Variants in CD244 observed in about 807,000 individuals in gnomAD.
CD244 encodes the protein natural killer cell receptor 2B4.
CD244 carries 20 observed loss-of-function variants against 45.5 expected under a neutral mutation model. The observed-to-expected ratio is 0.44, with a 90% confidence interval of 0.31 to 0.64. The LOEUF (loss-of-function observed/expected upper bound fraction) is 0.64, where lower values mean the gene tolerates loss of function less well. Among genes scored for constraint, CD244 ranks in the 30% least tolerant of loss-of-function variants. The pLI is 0.08. For missense variants in CD244, 407 were observed against 426.9 expected (o/e 0.95, Z 0.41); for synonymous variants, 185 against 160.5 (o/e 1.15, Z -1.15).
chr1:160,832,721 T>C, intron 7 of CD244, 146 bp from the exon 8 acceptor site: 2 of 1,517,582 alleles, frequency 1.3e-6, no homozygotes, highest in Non-Finnish European at 1.8e-6. Flanking sequence ...TCTGTCACCC[T>C]AGGAGCAAAA....
chr1:160,854,833 A>C (rs529603811), intron 1 of CD244, among the ~76,000 whole-genome samples: 2 of 152,320 alleles, frequency 1.3e-5, no homozygotes, highest in South Asian at 4.1e-4. Flanking sequence ...GTTTGTCTGC[A>C]AATAAAAAGG....
chr1:160,841,534 G>A, intron 2 of CD244, 49 bp from the exon 3 acceptor site: 1 of 1,612,120 alleles, frequency 6.2e-7, no homozygotes, highest in Non-Finnish European at 8.5e-7. Context: ...ACAGAACTTA[G>A]AGGCCTATAG....
rs759070358 is a variant in CD244 at position 160,841,260 on chromosome 1, C to A, written c.605G>T (p.Trp202Leu). ...YTCNVSNPVS[W>L]ESHTLNLTQD... ...AGTGAGATTCAGGGTGTGGCTTTCC[C>A]AGCTAACAGGATTGCTGACATTGCA... Residue 202 changes from tryptophan (W) to leucine (L), a missense_variant, in exon 3 of 9, where the codon TGG becomes TTG. Coordinates refer to ENST00000368034, the MANE Select transcript of CD244 (RefSeq NM_016382.4). 10 of 1,614,218 alleles carry A rather than the reference C, an allele frequency of 6.2e-6. No individual in the cohort carries two copies. Among genetic ancestry groups the A allele is most frequent in the Non-Finnish European group, 7.6e-6 (9 of 1,180,040 alleles).
intron 3 of CD244, among the ~76,000 whole-genome samples, chr1:160,839,792 A>G (rs1281331701): frequency 6.6e-6 from 1 of 152,208 alleles, no homozygotes; most frequent in Non-Finnish European, 1.5e-5. Context: ...CAAATGTTAC[A>G]TTTATCCATT....
intron 6 of CD244, 68 bp from the exon 7 acceptor site, chr1:160,834,184 T>G: frequency 1.3e-3 from 1,477 of 1,101,248 alleles, no homozygotes; most frequent in Non-Finnish European, 1.8e-3. Flanking sequence ...AGGTTATCTC[T>G]TCCGTTTCTC....
intron 6 of CD244, 105 bp from the exon 7 acceptor site, chr1:160,834,221 T>G: frequency 1.2e-6 from 1 of 851,590 alleles, no homozygotes; most frequent in Non-Finnish European, 1.9e-6. Flanking sequence ...AGATGGAAGC[T>G]TCAAGTGTTA....
intron 5 of CD244, among the ~76,000 whole-genome samples, chr1:160,837,363 T>C (rs3753389): frequency 0.58 from 88,293 of 152,068 alleles, 25,793 homozygotes; most frequent in Middle Eastern, 0.67. Context: ...TTCACATGCT[T>C]TCAGGAATTT....
chr1:160,834,096 T>C lies in CD244; in HGVS notation c.915A>G (p.Gln305=). ...IQSQSSAPTS[Q]EPAYTLYSLI... ...ATGAATATAATGTATATGCAGGTTC[T>C]TGTGACGTGGGAGCAGAAGACTAAT... The change falls in exon 7 of 9, where the codon CAA becomes CAG. Residue 305 remains glutamine (Q), a synonymous_variant. Transcript: ENST00000368034. The C allele has an allele frequency of 6.2e-7, 1 of 1,611,016 alleles. No individual in the cohort carries two copies. The highest frequency in any genetic ancestry group is 8.5e-7 in the Non-Finnish European group (1 of 1,177,166).
At chr1:160,857,422 A>G (rs1252986332) in intron 1 of CD244, among the ~76,000 whole-genome samples, 3 of 152,256 alleles carry the variant, frequency 2.0e-5, no homozygotes, top group African/African-American at 7.2e-5. Flanking sequence ...TGAATAAACT[A>G]TGATATAGTC....
Position 160,832,627 on chromosome 1 carries a change from A to G in CD244, c.961-52T>C. The G allele has an allele frequency of 1.7e-5, 28 of 1,608,266 alleles. 1 individual carries two copies. The highest frequency in any genetic ancestry group is 2.3e-5 in the Non-Finnish European group (27 of 1,176,316). On this transcript the variant is annotated intron_variant, in intron 7 of 8. Coordinates refer to ENST00000368034, the MANE Select transcript of CD244 (RefSeq NM_016382.4). ...TTAACTTCGAGATAAGTGCTCTCCCACTCCTAAGTGATGTGAGAGGTCCCA... is the reference window on the plus strand; with the variant it reads ...TTAACTTCGAGATAAGTGCTCTCCCGCTCCTAAGTGATGTGAGAGGTCCCA...
At chr1:160,851,689 C>A (rs1007771819) in intron 1 of CD244, among the ~76,000 whole-genome samples, 1 of 151,880 alleles carries the variant, frequency 6.6e-6, no homozygotes, top group African/African-American at 2.4e-5. Context: ...TATTTTGAGA[C>A]CAGATTATGA....
chr1:160,833,208 T>C (rs1022277544), intron 7 of CD244, among the ~76,000 whole-genome samples: 18 of 152,092 alleles, frequency 1.2e-4, no homozygotes, highest in Non-Finnish European at 2.2e-4. Context: ...TATTGTAGCA[T>C]ATAATTAAAA....
At chr1:160,859,233 A>G (rs1161305863) in intron 1 of CD244, among the ~76,000 whole-genome samples, 3 of 152,208 alleles carry the variant, frequency 2.0e-5, no homozygotes, top group Admixed American at 2.0e-4. Context: ...TGGATACAAC[A>G]GAGAGCGAGG....
intron 3 of CD244, 78 bp downstream of exon 3, chr1:160,841,132 C>T (rs1196603523): frequency 1.4e-6 from 2 of 1,413,812 alleles, no homozygotes; most frequent in Non-Finnish European, 2.0e-6. Flanking sequence ...TATCTCATAC[C>T]ACATCTGTCT....
At chr1:160,838,584 G>A (rs1571092958) in intron 4 of CD244, 66 bp from the exon 5 acceptor site, 2 of 1,112,666 alleles carry the variant, frequency 1.8e-6, no homozygotes, top group East Asian at 2.3e-5. Flanking sequence ...GCTTCTAACA[G>A]GTCCCACCTC....
intron 1 of CD244, among the ~76,000 whole-genome samples, chr1:160,844,648 G>A (rs1020121195): frequency 3.3e-5 from 5 of 152,228 alleles, no homozygotes; most frequent in Non-Finnish European, 7.3e-5. Flanking sequence ...ACATGATACA[G>A]AGATAAGCCA....
At chr1:160,833,174 C>A (rs760931550) in intron 7 of CD244, among the ~76,000 whole-genome samples, 4 of 152,062 alleles carry the variant, frequency 2.6e-5, no homozygotes, top group Admixed American at 6.6e-5. Context: ...GAACATGGTG[C>A]CTGTGAACAT....
At position 160,831,362 on chromosome 1, in the gene CD244, A is replaced by T; in HGVS notation, c.1083T>A (p.Phe361Leu). The T allele has an allele frequency of 6.2e-7, 1 of 1,613,958 alleles. No individual in the cohort carries two copies. Residue 361 changes from phenylalanine (F) to leucine (L), a missense_variant, in exon 9 of 9, where the codon TTT becomes TTA. Phe to Leu is a conservative substitution (Grantham distance 22). Transcript: ENST00000368034. Reference sequence around the variant, plus strand: ...GCTGCAGCAACTAGGAATAAACATCAAAGTTCTCCAGCTCTTTGCGGCTCA... The same window carrying T: ...GCTGCAGCAACTAGGAATAAACATCTAAGTTCTCCAGCTCTTTGCGGCTCA... ...ARLSRKELEN[F>L]DVYS
intron 1 of CD244, among the ~76,000 whole-genome samples, chr1:160,848,729 T>C: frequency 6.6e-6 from 1 of 150,940 alleles, no homozygotes; most frequent in East Asian, 1.9e-4. Flanking sequence ...CCAAGAGGAC[T>C]GGGCTTGGAG....
Sources: allele counts gnomAD v4.1 joint callset (sites outside exome capture counted in the v4.1 genomes callset), GRCh38; gene constraint gnomAD v4.1.1; transcripts MANE v1.5; gene names NCBI Gene and HGNC (gene_info 2026-07-23, HGNC 2026-07-21).